HSCB: variants seen among roughly 807,000 people sequenced by gnomAD.
HSCB encodes the protein HscB mitochondrial iron-sulfur cluster cochaperone, also known as iron-sulfur cluster co-chaperone protein HscB.
Under a neutral mutation model 31.3 loss-of-function variants are expected in HSCB, and 23 were observed. The observed-to-expected ratio is 0.74, with a 90% CI of 0.53 to 1.04. HSCB has a LOEUF of 1.04. HSCB is among the 50% of genes least tolerant of loss of function. The pLI, the probability that HSCB is intolerant of heterozygous loss-of-function variation, is 0.00. For missense variants in HSCB, 297 were observed against 288.1 expected, an observed-to-expected ratio of 1.03 and a Z score of -0.22; for synonymous variants, 110 against 104.5, an observed-to-expected ratio of 1.05 and a Z score of -0.32.
chr22:28,742,668 A>G, intron 1 of HSCB: 1 of 381,084 alleles, frequency 2.6e-6, no homozygotes, highest in Non-Finnish European at 4.8e-6. Context: ...GAGGGGCGGA[A>G]CTTGAGGAAA....
At chr22:28,750,670 TG>T (rs1334935196) in intron 4 of HSCB, among the ~76,000 whole-genome samples, 1 of 152,212 alleles carries the variant, frequency 6.6e-6, no homozygotes, top group Non-Finnish European at 1.5e-5. Context: ...TATTTATATC[TG>T]GAAAATGAGA....
At chr22:28,751,394 T>C (rs1370554834) in intron 5 of HSCB, 106 bp downstream of exon 5, 22 of 611,648 alleles carry the variant, frequency 3.6e-5, no homozygotes, top group Non-Finnish European at 6.4e-5. Context: ...ATGATAGCTA[T>C]ATAGGGAGAT....
At chr22:28,754,398 G>C (rs1176324480) in intron 5 of HSCB, among the ~76,000 whole-genome samples, 1 of 152,044 alleles carries the variant, frequency 6.6e-6, no homozygotes, top group Non-Finnish European at 1.5e-5. Context: ...GGTCAGGCAC[G>C]GTGGCTCCCA....
chr22:28,756,784 G>C (rs1466739266), intron 5 of HSCB, among the ~76,000 whole-genome samples: 1 of 152,084 alleles, frequency 6.6e-6, no homozygotes, highest in Admixed American at 6.6e-5. Context: ...ATGAGCTCCT[G>C]CATCTAGCTT....
At chr22:28,752,348 T>C (rs1479485318) in intron 5 of HSCB, among the ~76,000 whole-genome samples, 1 of 146,464 alleles carries the variant, frequency 6.8e-6, no homozygotes, top group Admixed American at 6.8e-5. Context: ...GGAGAATCGT[T>C]TGAACCTGGG....
intron 2 of HSCB, 56 bp downstream of exon 2, chr22:28,744,034 G>T: frequency 7.8e-7 from 1 of 1,280,912 alleles, no homozygotes; most frequent in Non-Finnish European, 1.1e-6. Context: ...CTGGGTGGCA[G>T]TAGCCTTGTG....
intron 5 of HSCB, among the ~76,000 whole-genome samples, chr22:28,755,012 T>G (rs2030503707): frequency 6.6e-6 from 1 of 151,062 alleles, no homozygotes; most frequent in Non-Finnish European, 1.5e-5. Context: ...GCCAGGCTGG[T>G]CTTGAACTCC....
intron 5 of HSCB, among the ~76,000 whole-genome samples, chr22:28,755,013 C>A (rs967785140): frequency 6.6e-6 from 1 of 151,002 alleles, no homozygotes; most frequent in Non-Finnish European, 1.5e-5. Flanking sequence ...CCAGGCTGGT[C>A]TTGAACTCCT....
intron 4 of HSCB, among the ~76,000 whole-genome samples, chr22:28,749,144 G>GAAA (rs5844822): frequency 4.8e-5 from 7 of 144,434 alleles, no homozygotes; most frequent in African/African-American, 1.3e-4. Context: ...ACGTCTCAAA[G>GAAA]AAAAAAAAAA....
In HSCB at chr22:28,742,264, T is replaced by C; in HGVS notation, c.169T>C (p.Phe57Leu). The C allele has an allele frequency of 6.2e-7, 1 of 1,614,080 alleles. No individual in the cohort carries two copies. The change falls in exon 1 of 6, where the codon TTC (phenylalanine) becomes CTC (leucine). Residue 57 changes from phenylalanine to leucine, a missense_variant. By Grantham distance (22) the Phe-to-Leu change is conservative (BLOSUM62 0). Coordinates refer to ENST00000216027, the MANE Select transcript of HSCB (RefSeq NM_172002.5). ...PWGPGREDRF[F>L]CPQCRALQAP... ...GGGCCCCGGGCGGGAGGACAGGTTC[T>C]TCTGCCCACAGTGCCGAGCGCTGCA...
intron 4 of HSCB, among the ~76,000 whole-genome samples, chr22:28,749,822 C>T (rs575644874): frequency 3.9e-5 from 6 of 152,224 alleles, no homozygotes; most frequent in South Asian, 2.1e-4. Flanking sequence ...GTGAGGGCAG[C>T]GTGCTACTGA....
rs1385044174 is a variant in HSCB, at chr22:28,756,978, G to A, written c.617-100G>A. 10 of 745,572 alleles carry A rather than the reference G, an allele frequency of 1.3e-5. No individual in the cohort carries two copies. In the Admixed American group the frequency reaches 1.7e-4, roughly 13 times the overall value. The allele number at this position is 745,572 out of a possible 1,614,324, so 46.2% of individuals were successfully genotyped here. ...TACTGAGGAATTGATGAGCCCTCCG[G>A]ACCCCAGGGCTCCACTTATATATCG... On this transcript the variant is annotated intron_variant, in intron 5 of 5. Transcript: ENST00000216027.
intron 4 of HSCB, among the ~76,000 whole-genome samples, chr22:28,750,961 T>TTTTTTTTTA: frequency 6.9e-6 from 1 of 145,132 alleles, no homozygotes; most frequent in Non-Finnish European, 1.5e-5. Flanking sequence ...TTTTTTTTTT[T>TTTTTTTTTA]TTTTTTTTAC....
intron 1 of HSCB, among the ~76,000 whole-genome samples, chr22:28,742,976 A>T (rs1044908611): frequency 6.6e-6 from 1 of 152,116 alleles, no homozygotes; most frequent in African/African-American, 2.4e-5. Context: ...AGAATGTGAA[A>T]GGGGCTGAAT....
At chr22:28,742,628 C>G (rs1210097914) in intron 1 of HSCB, 4 of 399,198 alleles carry the variant, frequency 1.0e-5, no homozygotes, top group Non-Finnish European at 1.3e-5. Flanking sequence ...ATTTGAGGGG[C>G]GGTACCTACG....
chr22:28,755,603 A>G (rs938807667), intron 5 of HSCB, among the ~76,000 whole-genome samples: 1 of 151,990 alleles, frequency 6.6e-6, no homozygotes, highest in African/African-American at 2.4e-5. Flanking sequence ...TTAGTCTCAC[A>G]TATTTTTCTT....
chr22:28,746,013 A>G lies in HSCB; in HGVS notation c.568+5A>G, dbSNP rs2054681198. 6.2e-7 allele frequency: 1 copy of G among 1,607,458 alleles called. No individual in the cohort carries two copies. The highest frequency in any genetic ancestry group is 1.3e-5 in the African/African-American group (1 of 74,480). ...AGATTGAATCCATTGTCAAAGGTGAAAGATAAAATAGCACTGAATGTATTT... is the reference window on the plus strand; with the variant it reads ...AGATTGAATCCATTGTCAAAGGTGAGAGATAAAATAGCACTGAATGTATTT... On this transcript the variant is annotated splice_donor_5th_base_variant and intron_variant, in intron 4 of 5. Coordinates refer to ENST00000216027, the MANE Select transcript of HSCB (RefSeq NM_172002.5).
intron 4 of HSCB, among the ~76,000 whole-genome samples, chr22:28,748,460 C>T (rs1189400595): frequency 6.6e-6 from 1 of 152,084 alleles, no homozygotes; most frequent in Non-Finnish European, 1.5e-5. Flanking sequence ...CCCCATCTAA[C>T]AAATCCCTTC....
At chr22:28,752,632 G>A (rs1300377043) in intron 5 of HSCB, among the ~76,000 whole-genome samples, 2 of 151,364 alleles carry the variant, frequency 1.3e-5, no homozygotes, top group Non-Finnish European at 2.9e-5. Flanking sequence ...TACTCGGGAG[G>A]CTGAGGCAGG....
Sources: gnomAD v4.1 joint callset for allele counts (sites outside exome capture counted in the v4.1 genomes callset) on GRCh38, gnomAD v4.1.1 for gene constraint, MANE v1.5 for transcripts, NCBI Gene and HGNC (gene_info 2026-07-23, HGNC 2026-07-21) for gene names.